FAM222A: variants seen among roughly 807,000 people sequenced by gnomAD.
FAM222A encodes protein FAM222A.
FAM222A carries 7 observed loss-of-function variants against 25.8 expected under a neutral mutation model. The observed-to-expected ratio is 0.27, with a 90% CI of 0.15 to 0.51. FAM222A has a LOEUF of 0.51. Ranked by LOEUF, FAM222A falls within the 20% of genes least tolerant of loss-of-function variation. The pLI is 0.97. For missense variants in FAM222A, 573 were observed against 640.5 expected (o/e 0.89, Z 1.14); for synonymous variants, 294 against 298.8 (o/e 0.98, Z 0.17).
intron 2 of FAM222A, among the ~76,000 whole-genome samples, chr12:109,765,675 T>C (rs1459650533): frequency 6.6e-6 from 1 of 152,218 alleles, no homozygotes; most frequent in East Asian, 1.9e-4. Context: ...CTTGGATTGG[T>C]TGTGAGCCCA....
At chr12:109,730,703 ACAC>A (rs970932820) in intron 1 of FAM222A, among the ~76,000 whole-genome samples, 1 of 152,110 alleles carries the variant, frequency 6.6e-6, no homozygotes, top group African/African-American at 2.4e-5. Context: ...GCAGCCTGGC[ACAC>A]CACAGGTGCT....
At chr12:109,755,656 T>C (rs551094898) in intron 2 of FAM222A, among the ~76,000 whole-genome samples, 2 of 152,222 alleles carry the variant, frequency 1.3e-5, no homozygotes, top group South Asian at 4.1e-4. Flanking sequence ...AAGTTTTGTG[T>C]ACATCATGAG....
chr12:109,760,127 G>C (rs1888851015), intron 2 of FAM222A, among the ~76,000 whole-genome samples: 8 of 152,242 alleles, frequency 5.3e-5, no homozygotes, highest in Middle Eastern at 6.8e-3. Context: ...GTGGGCACCA[G>C]TGCATGGTGG....
At position 109,769,367 on chromosome 12, in the gene FAM222A, G is replaced by A. The variant is rs73202455; in HGVS notation, c.*79G>A. On this transcript the variant is annotated 3_prime_UTR_variant, in exon 3 of 3. Coordinates refer to ENST00000538780, the MANE Select transcript of FAM222A (RefSeq NM_032829.3). ...GGCCGCAGAACAGGGTGGGCGGCTC[G>A]CAGGGGCGCTCAGCCCCACCCTGTG... The A allele has an allele frequency of 1.2e-5, 17 of 1,460,900 alleles. No individual in the cohort carries two copies. The East Asian group carries it at 2.0e-4, about 17-fold the overall frequency. 90.5% of individuals were successfully genotyped at this position (1,460,900 alleles called of 1,614,324 possible). A position where few individuals can be genotyped will look rare whatever the true frequency, so the allele number is the denominator to read the frequency against.
chr12:109,744,629 G>C (rs1327970418), intron 2 of FAM222A: 1 of 985,338 alleles, frequency 1.0e-6, no homozygotes, highest in Non-Finnish European at 1.2e-6. Flanking sequence ...GAGCTGTGTG[G>C]TCTTGGGTGT....
intron 1 of FAM222A, among the ~76,000 whole-genome samples, chr12:109,717,602 A>G (rs1592775012): frequency 2.6e-5 from 4 of 152,166 alleles, no homozygotes; most frequent in Admixed American, 2.6e-4. Flanking sequence ...TGATGGGGAA[A>G]GGGGCAGCCG....
intron 1 of FAM222A, among the ~76,000 whole-genome samples, chr12:109,719,652 C>T (rs954099594): frequency 1.1e-4 from 17 of 152,138 alleles, no homozygotes; most frequent in Non-Finnish European, 1.9e-4. Flanking sequence ...CTGAGTGGCT[C>T]TCCCCAGCAT....
chr12:109,760,544 G>A (rs888423532), intron 2 of FAM222A, among the ~76,000 whole-genome samples: 24 of 152,192 alleles, frequency 1.6e-4, no homozygotes, highest in African/African-American at 4.6e-4. Flanking sequence ...CCTGGTGTGT[G>A]GTTGGCCCTG....
In FAM222A at chr12:109,769,049, C is replaced by T. The variant is rs1889160918; in HGVS notation, c.1120C>T (p.Pro374Ser). The T allele has an allele frequency of 6.3e-7, 1 of 1,587,818 alleles. No homozygotes were observed. The highest frequency in any genetic ancestry group is 8.6e-7 in the Non-Finnish European group (1 of 1,168,330). Residue 374 changes from proline (P) to serine (S), a missense_variant, in exon 3 of 3, where the codon CCG becomes TCG. Transcript: ENST00000538780. ...AAAVVVTELG[P>S]GAARELAGPP... ...GGCGGTGGTGGTCACGGAGCTGGGG[C>T]CGGGGGCAGCCCGGGAGCTGGCTGG...
intron 2 of FAM222A, among the ~76,000 whole-genome samples, chr12:109,756,976 A>C (rs768439381): frequency 6.6e-6 from 1 of 152,046 alleles, no homozygotes; most frequent in African/African-American, 2.4e-5. Context: ...TGGGCTTTTC[A>C]TTGTTGGTAG....
At chr12:109,767,156 A>G (rs1889078072) in intron 2 of FAM222A, among the ~76,000 whole-genome samples, 1 of 136,614 alleles carries the variant, frequency 7.3e-6, no homozygotes, top group Middle Eastern at 4.5e-3. Context: ...CGATCCTTCC[A>G]CTTCAGCTTC....
At chr12:109,725,067 A>G (rs894898496) in intron 1 of FAM222A, among the ~76,000 whole-genome samples, 8 of 152,062 alleles carry the variant, frequency 5.3e-5, no homozygotes, top group Non-Finnish European at 1.2e-4. Flanking sequence ...ATATAGCTGA[A>G]AAGAGGCCAG....
intron 1 of FAM222A, among the ~76,000 whole-genome samples, chr12:109,743,209 G>C (rs1736214155): frequency 6.6e-6 from 1 of 152,142 alleles, no homozygotes; most frequent in African/African-American, 2.4e-5. Flanking sequence ...CCTCCCATTG[G>C]GGCCTCACAG....
chr12:109,753,412 G>A (rs75620252), intron 2 of FAM222A, among the ~76,000 whole-genome samples: 4 of 152,164 alleles, frequency 2.6e-5, no homozygotes, highest in African/African-American at 4.8e-5. Flanking sequence ...TACAGAGAGT[G>A]CCCTGATGGG....
At chr12:109,759,095 C>G (rs1888815100) in intron 2 of FAM222A, among the ~76,000 whole-genome samples, 3 of 152,162 alleles carry the variant, frequency 2.0e-5, no homozygotes, top group Non-Finnish European at 4.4e-5. Flanking sequence ...GCAGTAGGAA[C>G]CTAGGACCGC....
At chr12:109,749,930 CT>C (rs1888513880) in intron 2 of FAM222A, among the ~76,000 whole-genome samples, 1 of 152,170 alleles carries the variant, frequency 6.6e-6, no homozygotes, top group African/African-American at 2.4e-5. Flanking sequence ...GTATTTCAAC[CT>C]TTCTGAATTA....
intron 2 of FAM222A, among the ~76,000 whole-genome samples, chr12:109,760,624 T>C (rs1432215931): frequency 1.3e-5 from 2 of 152,154 alleles, no homozygotes; most frequent in African/African-American, 4.8e-5. Context: ...CCCACCTCAG[T>C]CCCTGCCATC....
chr12:109,732,758 A>G (rs778431713), intron 1 of FAM222A, among the ~76,000 whole-genome samples: 1 of 152,236 alleles, frequency 6.6e-6, no homozygotes, highest in African/African-American at 2.4e-5. Flanking sequence ...ACACACATAC[A>G]TTCCACTGCT....
At chr12:109,741,466 C>T (rs986395811) in intron 1 of FAM222A, among the ~76,000 whole-genome samples, 5 of 152,196 alleles carry the variant, frequency 3.3e-5, no homozygotes. Context: ...AGCACGCTGA[C>T]AACTAGAGCC....
Sources: allele counts gnomAD v4.1 joint callset (sites outside exome capture counted in the v4.1 genomes callset), GRCh38; gene constraint gnomAD v4.1.1; transcripts MANE v1.5; gene names NCBI Gene and HGNC (gene_info 2026-07-23, HGNC 2026-07-21).